The following GPI variants were observed in gnomAD, a reference collection of about 807,000 sequenced individuals.
GPI encodes the protein glucose-6-phosphate isomerase.
In GPI, 56 loss-of-function variants were observed where a neutral mutation model predicts 75.8. That is an observed-to-expected ratio of 0.74 (90% confidence interval 0.60 to 0.92). The LOEUF (loss-of-function observed/expected upper bound fraction) is 0.92. Among genes scored for constraint, GPI ranks in the 40% least tolerant of loss-of-function variants. The probability of loss-of-function intolerance (pLI) is 0.00; values close to 1 mark genes in which losing one functional copy is unlikely to be tolerated. For synonymous variants in GPI, 288 were observed against 285.4 expected (o/e 1.01, Z -0.09); for missense variants, 638 against 741.0 (o/e 0.86, Z 1.61).
intron 8 of GPI, 40 bp downstream of exon 8, chr19:34,379,602 G>A (rs1425771725): frequency 2.0e-6 from 3 of 1,529,348 alleles, no homozygotes; most frequent in Non-Finnish European, 2.7e-6. Flanking sequence ...CTTCCTGGGA[G>A]TGCCCAGCAT....
chr19:34,361,698 A>T (rs767303873), upstream of GPI, among the ~76,000 whole-genome samples: 6 of 152,108 alleles, frequency 3.9e-5, no homozygotes, highest in Non-Finnish European at 8.8e-5. Context: ...TAGAAAATCC[A>T]GGCTGGGCGC....
chr19:34,399,467 C>A, intron 15 of GPI, 89 bp from the exon 16 acceptor site: 1 of 1,556,140 alleles, frequency 6.4e-7, no homozygotes, highest in Non-Finnish European at 8.9e-7. Context: ...CAGACCTGCA[C>A]GTCTCAGCCT....
chr19:34,395,678 C>T (rs1337669319), intron 12 of GPI, among the ~76,000 whole-genome samples: 1 of 152,142 alleles, frequency 6.6e-6, no homozygotes, highest in African/African-American at 2.4e-5. Context: ...GGCATGAGTC[C>T]TTCCTGCACA....
Position 34,400,122 on chromosome 19 carries a change from C to A in GPI, c.*86C>A. ...GGAGCCGGCACTGCATGTTCCTGGA[C>A]ACCACCCAGAGCACCCTCTGGTTGT... On this transcript the variant is annotated 3_prime_UTR_variant, in exon 18 of 18. Transcript: ENST00000356487. 1.4e-6 allele frequency: 2 copies of A among 1,415,650 alleles called. No homozygotes were observed. The highest frequency in any genetic ancestry group is 2.0e-6 in the Non-Finnish European group (2 of 1,014,068). 87.7% of individuals were successfully genotyped at this position (1,415,650 alleles called of 1,614,324 possible).
chr19:34,381,914 AG>A (rs1327685608), intron 9 of GPI, among the ~76,000 whole-genome samples: 2 of 152,190 alleles, frequency 1.3e-5, no homozygotes, highest in African/African-American at 4.8e-5. Context: ...ATGACCGGGT[AG>A]GCCTGGAAAG....
In GPI at chr19:34,368,637, G is replaced by C; in HGVS notation, c.337G>C (p.Val113Leu). 6.2e-7 allele frequency: 1 copy of C among 1,614,174 alleles called. No homozygotes were observed. The highest frequency in any genetic ancestry group is 8.5e-7 in the Non-Finnish European group (1 of 1,179,998). The change falls in exon 4 of 18, where the codon GTA (valine) becomes CTA (leucine). Residue 113 changes from valine to leucine, a missense_variant. Transcript: ENST00000356487. The stretch of plus-strand genomic sequence containing the variant: ...GAACCGGTCAAACACACCCATCCTG[G>C]TAGACGGCAAGGATGTGATGCCAGA... ...LRNRSNTPILVDGKDVMPEVN... is the reference protein window; with the variant it reads ...LRNRSNTPILLDGKDVMPEVN...
chr19:34,376,141 A>G (rs539618620), intron 4 of GPI, among the ~76,000 whole-genome samples: 4 of 152,312 alleles, frequency 2.6e-5, no homozygotes, highest in South Asian at 2.1e-4. Flanking sequence ...AGAGACTCCT[A>G]TGCCTTGTGT....
At chr19:34,380,003 T>G (rs1231135365) in intron 8 of GPI, 4 of 211,022 alleles carry the variant, frequency 1.9e-5, no homozygotes, top group South Asian at 6.5e-5. Flanking sequence ...TTTTTTTTTT[T>G]TTTTTTTTTT....
chr19:34,363,101 A>G (rs2074309768), upstream of GPI, among the ~76,000 whole-genome samples: 1 of 152,064 alleles, frequency 6.6e-6, no homozygotes, highest in Non-Finnish European at 1.5e-5. Flanking sequence ...CCTGAGCAAC[A>G]TGATGAAACC....
chr19:34,399,013 G>A (rs140817790), intron 14 of GPI, 194 bp from the exon 15 acceptor site: 10,004 of 521,292 alleles, frequency 0.019, 156 homozygotes, highest in Non-Finnish European at 0.028. Flanking sequence ...CCACTGGTGT[G>A]TAGTTCTTAA....
chr19:34,379,532 G>T lies in GPI; in HGVS notation c.720G>T (p.Ala240=), dbSNP rs8191382. ...GTCTCTTGTAGCCTTCTGCAGTGGC[G>T]AAGCACTTTGTTGCCCTGTCTACTA... ...LQAAKDPSAV[A]KHFVALSTNT... The change falls in exon 8 of 18, where the codon GCG becomes GCT. Residue 240 remains alanine (A), a synonymous_variant. Transcript: ENST00000356487. The T allele has an allele frequency of 6.2e-7, 1 of 1,614,062 alleles. No individual in the cohort carries two copies. The highest frequency in any genetic ancestry group is 1.3e-5 in the African/African-American group (1 of 75,028).
chr19:34,366,710 C>T (rs1388345355), intron 2 of GPI, 73 bp from the exon 3 acceptor site: 2 of 1,022,482 alleles, frequency 2.0e-6, no homozygotes, highest in Non-Finnish European at 3.1e-6. Context: ...CAGCACCAAG[C>T]CTTGTGTTTG....
At chr19:34,382,663 A>T (rs2074672640) in intron 9 of GPI, among the ~76,000 whole-genome samples, 2 of 152,000 alleles carry the variant, frequency 1.3e-5, no homozygotes, top group Admixed American at 1.3e-4. Context: ...GTGGGCAGGG[A>T]TGTGTGGGTG....
Position 34,399,320 on chromosome 19 carries a change from G to A in GPI, c.1383G>A (p.Arg461=), listed in dbSNP as rs1236194217. ...GCAAGAGTCCAGAGGACCTTGAGAG[G>A]CTGCTGCCACATAAGGTCAGCACTT... ...AAGKSPEDLE[R]LLPHKVFEGN... Residue 461 remains arginine, a synonymous_variant, in exon 15 of 18, where the codon AGG becomes AGA. Transcript: ENST00000356487. 6.2e-7 allele frequency: 1 copy of A among 1,614,038 alleles called. No individual in the cohort carries two copies. Among genetic ancestry groups the A allele is most frequent in the African/African-American group, 1.3e-5 (1 of 74,944 alleles).
rs187711392 is a variant in GPI at position 34,388,938 on chromosome 19, T to A, written c.805-4310T>A. On this transcript the variant is annotated intron_variant, in intron 9 of 17. Coordinates refer to ENST00000356487, the MANE Select transcript of GPI (RefSeq NM_000175.5). Reference sequence around the variant, plus strand: ...CAAGACCCCATCTCTACAAAAAATTTAAAAAATAGTCAAGCATGGTGGTGT... The same window carrying A: ...CAAGACCCCATCTCTACAAAAAATTAAAAAAATAGTCAAGCATGGTGGTGT... Among the ~76,000 whole-genome samples, 799 of 151,378 alleles carry A rather than the reference T, an allele frequency of 5.3e-3. 2 individuals are homozygous for A. Among genetic ancestry groups the A allele is most frequent in the Middle Eastern group, 0.014 (4 of 294 alleles).
rs1238497294 is a variant in GPI, at chr19:34,393,581, T to C, written c.866-147T>C. On this transcript the variant is annotated intron_variant, in intron 10 of 17. Coordinates refer to ENST00000356487, the MANE Select transcript of GPI (RefSeq NM_000175.5). The surrounding 1 kb of genome is among the most constrained non-coding windows in gnomAD (Gnocchi z 4.4). ...CCCTGCACTCAGGGCCACCTCTCAC[T>C]GGAGGGGCTTTGTCTAGGTCCGAGT... 1 of 794,162 alleles carries C rather than the reference T, an allele frequency of 1.3e-6. No homozygotes were observed. Among genetic ancestry groups the C allele is most frequent in the Non-Finnish European group, 2.2e-6 (1 of 462,244 alleles). 49.2% of individuals were successfully genotyped at this position (794,162 alleles called of 1,614,324 possible).
rs927917251 is a variant in GPI at position 34,396,297 on chromosome 19, C to T, written c.1063-4C>T. The T allele has an allele frequency of 6.2e-7, 1 of 1,614,014 alleles. No individual in the cohort carries two copies. The highest frequency in any genetic ancestry group is 1.1e-5 in the South Asian group (1 of 91,072). On this transcript the variant is annotated splice_region_variant and splice_polypyrimidine_tract_variant and intron_variant, in intron 12 of 17. Coordinates refer to ENST00000356487, the MANE Select transcript of GPI (RefSeq NM_000175.5). ...CAAGAACTGGGTTTCTGTTCCTTTTCCAGGGCGACATGGAGTCCAATGGGA... is the reference window on the plus strand; with the variant it reads ...CAAGAACTGGGTTTCTGTTCCTTTTTCAGGGCGACATGGAGTCCAATGGGA...
At chr19:34,381,278 G>C (rs2074646843) in intron 8 of GPI, 188 bp from the exon 9 acceptor site, 1 of 670,962 alleles carries the variant, frequency 1.5e-6, no homozygotes. Flanking sequence ...CTGGTGTCCA[G>C]CTTGGGGTGG....
chr19:34,371,211 C>CA (rs1298034467), intron 4 of GPI, among the ~76,000 whole-genome samples: 1 of 152,156 alleles, frequency 6.6e-6, no homozygotes, highest in Non-Finnish European at 1.5e-5. Context: ...ATTTATAGTT[C>CA]AAAAAAAGTT....
Sources: gnomAD v4.1 joint callset for allele counts (sites outside exome capture counted in the v4.1 genomes callset) on GRCh38, gnomAD v4.1.1 for gene constraint, Gnocchi (gnomAD v3.1) non-coding constraint, MANE v1.5 for transcripts, NCBI Gene and HGNC (gene_info 2026-07-23, HGNC 2026-07-21) for gene names.